STAU1: variants seen among roughly 807,000 people sequenced by gnomAD.
STAU1 encodes the protein staufen double-stranded RNA binding protein 1.
In STAU1, 13 loss-of-function variants were observed where a neutral mutation model predicts 62.9. The observed-to-expected ratio is 0.21, with a 90% CI of 0.13 to 0.33. STAU1 has a LOEUF of 0.33. Ranked by LOEUF, STAU1 falls within the 10% of genes least tolerant of loss-of-function variation. STAU1 has a pLI of 1.00. For missense variants in STAU1, 571 were observed against 712.1 expected (o/e 0.80, Z 2.25); for synonymous variants, 269 against 265.1 (o/e 1.01, Z -0.14).
chr20:49,161,573 C>T (rs1348816685), intron 3 of STAU1, among the ~76,000 whole-genome samples: 1 of 152,182 alleles, frequency 6.6e-6, no homozygotes, highest in African/African-American at 2.4e-5. Context: ...TTACAGTGAG[C>T]TGGACCTTGC....
Position 49,173,059 on chromosome 20 carries a change from G to A in STAU1, c.-85+1136C>T, listed in dbSNP as rs1208269928. The stretch of plus-strand genomic sequence containing the variant: ...CGGGGTTTCACCGTGTTAGCCAGGA[G>A]GGTCTCGATCTCCTGACCTCTTGAT... On this transcript the variant is annotated intron_variant, in intron 2 of 13. Transcript: ENST00000371856. 2.0e-5 allele frequency among the ~76,000 whole-genome samples: 3 copies of A among 151,452 alleles called. 1 individual carries two copies.
intron 7 of STAU1, among the ~76,000 whole-genome samples, chr20:49,123,571 C>T (rs536421947): frequency 1.3e-5 from 2 of 152,214 alleles, no homozygotes; most frequent in South Asian, 2.1e-4. Context: ...CCCCAAAAGT[C>T]TGAGCTATGA....
intron 3 of STAU1, among the ~76,000 whole-genome samples, chr20:49,155,699 A>C (rs1048767810): frequency 6.6e-6 from 1 of 152,202 alleles, no homozygotes; most frequent in African/African-American, 2.4e-5. Context: ...TGAATTACAG[A>C]TCTCTCTCTT....
At chr20:49,135,715 T>A (rs2092865739) in intron 6 of STAU1, 118 bp downstream of exon 6, 1 of 763,756 alleles carries the variant, frequency 1.3e-6, no homozygotes, top group Admixed American at 2.9e-5. Flanking sequence ...GAATCTTAAA[T>A]TTGGAGGTTC....
At chr20:49,208,289 A>C in the STAU1 span, among the ~76,000 whole-genome samples, 1 of 151,902 alleles carries the variant, frequency 6.6e-6, no homozygotes, top group Middle Eastern at 3.4e-3. Context: ...CGATCTCTTG[A>C]CCTCGTGATC....
At position 49,117,185 on chromosome 20, in the gene STAU1, A is replaced by G. The variant is rs2092348692; in HGVS notation, c.1573T>C (p.Ser525Pro). ...CCATGGCTGATCAGAGGTGGCTGAG[A>G]GGAGCAATTGATAAGAGATACAAAT... is the stretch of plus-strand genomic sequence containing the variant. ...NEFVSLINCS[S>P]QPPLISHGIG... The change falls in exon 12 of 14, where the codon TCT becomes CCT. Residue 525 changes from serine (S) to proline (P), a missense_variant. Ser to Pro is a moderately conservative substitution (Grantham distance 74). Coordinates refer to ENST00000371856, the MANE Select transcript of STAU1 (RefSeq NM_017453.4). The surrounding 1 kb of genome is among the most constrained non-coding windows in gnomAD (Gnocchi z 4.6). The G allele has an allele frequency of 1.2e-6, 2 of 1,614,152 alleles. No individual in the cohort carries two copies. The highest frequency in any genetic ancestry group is 1.7e-6 in the Non-Finnish European group (2 of 1,180,022).
At chr20:49,213,005 T>C in the STAU1 span, among the ~76,000 whole-genome samples, 1 of 151,976 alleles carries the variant, frequency 6.6e-6, no homozygotes, top group African/African-American at 2.4e-5. Flanking sequence ...TATTTTATTT[T>C]ATTTATTTAT....
At chr20:49,150,273 C>T (rs111501951) in intron 5 of STAU1, among the ~76,000 whole-genome samples, 1,801 of 152,236 alleles carry the variant, frequency 0.012, 42 homozygotes, top group African/African-American at 0.04. Flanking sequence ...CTTTCATCAT[C>T]TGGAAATGGG....
the STAU1 span, among the ~76,000 whole-genome samples, chr20:49,208,352 G>A: frequency 1.3e-4 from 20 of 151,706 alleles, no homozygotes; most frequent in Admixed American, 6.6e-5. Flanking sequence ...GCCACCGCAC[G>A]TGGCCTATAT....
intron 6 of STAU1, among the ~76,000 whole-genome samples, chr20:49,126,942 T>G (rs1347897289): frequency 6.6e-6 from 1 of 152,102 alleles, no homozygotes; most frequent in Non-Finnish European, 1.5e-5. Flanking sequence ...ATCACTTAAA[T>G]GTGATCTAAA....
At chr20:49,209,375 C>T in the STAU1 span, among the ~76,000 whole-genome samples, 1 of 149,344 alleles carries the variant, frequency 6.7e-6, no homozygotes, top group African/African-American at 2.5e-5. Flanking sequence ...ATACCCTATG[C>T]ATGAGTCCCA....
At chr20:49,120,164 AAC>A (rs2092432198) in intron 8 of STAU1, 36 bp from the exon 9 acceptor site, 1 of 1,580,730 alleles carries the variant, frequency 6.3e-7, no homozygotes. Context: ...CCAGTGCTTA[AAC>A]CTTCAGAATA....
rs1384483844 is a variant in STAU1, at chr20:49,178,926, A to AAC, written c.-159-4658_-159-4657insGT. On this transcript the variant is annotated intron_variant, in intron 1 of 13. Transcript: ENST00000371856. ...GTCTCCACTAAAAAAAAAAAAAAAA[A>AAC]AACAACTAGCTGGGCATGGTGGCGG... Among the ~76,000 whole-genome samples the AAC allele has an allele frequency of 9.2e-4, 138 of 150,150 alleles. 1 individual carries two copies. The highest frequency in any genetic ancestry group is 1.6e-3 in the Non-Finnish European group (110 of 67,444).
chr20:49,126,208 T>A (rs985738207), intron 6 of STAU1, among the ~76,000 whole-genome samples: 1 of 151,392 alleles, frequency 6.6e-6, no homozygotes, highest in Non-Finnish European at 1.5e-5. Context: ...TCACACTTAA[T>A]CAAACTTTAA....
chr20:49,151,711 A>G lies in STAU1; in HGVS notation c.381T>C (p.Tyr127=). The G allele has an allele frequency of 6.2e-7, 1 of 1,611,056 alleles. No individual in the cohort carries two copies. Among genetic ancestry groups the G allele is most frequent in the Non-Finnish European group, 8.5e-7 (1 of 1,179,130 alleles). ...FYPFPVPPLL[Y]QVELSVGGQQ... ...GTCCTCCCACAGAAAGTTCCACTTG[A>G]TAAAGTAAAGGTGGAACTGGAAATG... Residue 127 remains tyrosine, a synonymous_variant, in exon 5 of 14, where the codon TAT becomes TAC. Transcript: ENST00000371856.
chr20:49,122,673 T>C (rs1411190012), intron 8 of STAU1, among the ~76,000 whole-genome samples: 1 of 152,112 alleles, frequency 6.6e-6, no homozygotes, highest in East Asian at 1.9e-4. Flanking sequence ...ATCCCAGCAC[T>C]TTGGGAGGCT....
chr20:49,160,780 A>C (rs577188510), intron 3 of STAU1, among the ~76,000 whole-genome samples: 33 of 152,192 alleles, frequency 2.2e-4, no homozygotes, highest in Non-Finnish European at 4.0e-4. Flanking sequence ...CTAAAATGCA[A>C]AATTAGCCAG....
At position 49,115,704 on chromosome 20, in the gene STAU1, A is replaced by G. The variant is rs2092304140; in HGVS notation, c.1718+78T>C. ...CAGGCAAATATTTCCCCGCTGAGTCAGCAGATAGTGTAAACTCAACACAAA... is the reference window on the plus strand; with the variant it reads ...CAGGCAAATATTTCCCCGCTGAGTCGGCAGATAGTGTAAACTCAACACAAA... On this transcript the variant is annotated intron_variant, in intron 13 of 13. Coordinates refer to ENST00000371856, the MANE Select transcript of STAU1 (RefSeq NM_017453.4). 4.8e-6 allele frequency: 6 copies of G among 1,237,350 alleles called. No individual in the cohort carries two copies. In the African/African-American group the frequency reaches 8.9e-5, roughly 18 times the overall value. The allele number at this position is 1,237,350 out of a possible 1,614,324, so 76.6% of individuals were successfully genotyped here. A position where few individuals can be genotyped will look rare whatever the true frequency, so the allele number is the denominator to read the frequency against.
the STAU1 span, among the ~76,000 whole-genome samples, chr20:49,208,104 G>A: frequency 3.3e-5 from 5 of 152,106 alleles, no homozygotes; most frequent in African/African-American, 1.2e-4. Context: ...TCTGTCTCCA[G>A]GCTGGAGTGC....
Sources: gnomAD v4.1 joint callset for allele counts (sites outside exome capture counted in the v4.1 genomes callset) on GRCh38, gnomAD v4.1.1 for gene constraint, Gnocchi (gnomAD v3.1) non-coding constraint, MANE v1.5 for transcripts, NCBI Gene and HGNC (gene_info 2026-07-23, HGNC 2026-07-21) for gene names.